HHAT: variants seen among roughly 807,000 people sequenced by gnomAD.
HHAT encodes hedgehog acyltransferase.
HHAT carries 47 observed loss-of-function variants against 70.8 expected under a neutral mutation model. The observed-to-expected ratio is 0.66, with a 90% CI of 0.53 to 0.85. The LOEUF (loss-of-function observed/expected upper bound fraction) is 0.85. HHAT is among the 40% of genes least tolerant of loss of function. HHAT has a pLI of 0.00. For missense variants in HHAT, 609 were observed against 604.8 expected, an observed-to-expected ratio of 1.01 and a Z score of -0.07; for synonymous variants, 228 against 247.6, an observed-to-expected ratio of 0.92 and a Z score of 0.74.
At chr1:210,362,946 C>T in intron 3 of HHAT, 27 bp downstream of exon 3, 2 of 1,527,792 alleles carry the variant, frequency 1.3e-6, no homozygotes, top group Non-Finnish European at 1.8e-6. Flanking sequence ...TAATAAATCT[C>T]AGTTTTCAAA....
intron 7 of HHAT, among the ~76,000 whole-genome samples, chr1:210,449,680 T>C (rs986076360): frequency 1.3e-4 from 20 of 152,216 alleles, no homozygotes; most frequent in African/African-American, 4.8e-4. Context: ...AAACTGTTAC[T>C]AATTTTGTGA....
At chr1:210,633,633 C>G (rs542064721) in intron 11 of HHAT, among the ~76,000 whole-genome samples, 338 of 152,332 alleles carry the variant, frequency 2.2e-3, no homozygotes, top group Non-Finnish European at 4.0e-3. Context: ...TTCTCCTCTT[C>G]TGCCCTTCTC....
chr1:210,610,990 A>G (rs1033872195), intron 10 of HHAT, among the ~76,000 whole-genome samples: 2 of 152,102 alleles, frequency 1.3e-5, no homozygotes, highest in Admixed American at 6.6e-5. Context: ...TGCCTTGGCT[A>G]TTTGGGCTCT....
intron 9 of HHAT, among the ~76,000 whole-genome samples, chr1:210,527,530 A>G (rs189944213): frequency 1.2e-3 from 184 of 152,372 alleles, no homozygotes; most frequent in Non-Finnish European, 1.3e-3. Flanking sequence ...TATCAGCATC[A>G]TAAATTTCCT....
At chr1:210,465,395 C>T (rs2094078774) in intron 8 of HHAT, among the ~76,000 whole-genome samples, 1 of 152,134 alleles carries the variant, frequency 6.6e-6, no homozygotes, top group South Asian at 2.1e-4. Flanking sequence ...TTATCGCTTC[C>T]AGAGTGTAAC....
chr1:210,655,193 C>T (rs1301151506), intron 11 of HHAT, among the ~76,000 whole-genome samples: 4 of 152,224 alleles, frequency 2.6e-5, no homozygotes, highest in Non-Finnish European at 5.9e-5. Flanking sequence ...GAATAAATAG[C>T]TGGGAAAAGT....
intron 7 of HHAT, among the ~76,000 whole-genome samples, chr1:210,452,464 T>G (rs970596564): frequency 2.0e-5 from 3 of 152,236 alleles, no homozygotes; most frequent in African/African-American, 7.2e-5. Flanking sequence ...GTTCAACAAT[T>G]ATCAACTCCT....
intron 3 of HHAT, among the ~76,000 whole-genome samples, chr1:210,371,254 C>T (rs1172742982): frequency 3.3e-5 from 5 of 152,242 alleles, no homozygotes; most frequent in Admixed American, 1.3e-4. Flanking sequence ...CAAGTTCAAG[C>T]GATTCTCGTG....
chr1:210,619,583 C>G (rs1668445734), intron 10 of HHAT, among the ~76,000 whole-genome samples: 1 of 152,146 alleles, frequency 6.6e-6, no homozygotes, highest in South Asian at 2.1e-4. Flanking sequence ...AACAATTCGC[C>G]CTTTCTCAAC....
intron 7 of HHAT, among the ~76,000 whole-genome samples, chr1:210,447,094 C>G (rs909779268): frequency 6.6e-6 from 1 of 152,188 alleles, no homozygotes; most frequent in Non-Finnish European, 1.5e-5. Context: ...CATTTGGGGT[C>G]TGAAGATCTG....
chr1:210,395,437 C>G (rs1378510471), intron 4 of HHAT, among the ~76,000 whole-genome samples: 2 of 89,220 alleles, frequency 2.2e-5, no homozygotes, highest in Non-Finnish European at 4.6e-5. Context: ...GGCACTGACA[C>G]CAATCCTTGG....
At position 210,356,576 on chromosome 1, in the gene HHAT, C is replaced by T. The variant is rs142318425; in HGVS notation, c.92-6276C>T. 1.3e-4 allele frequency among the ~76,000 whole-genome samples: 20 copies of T among 152,268 alleles called. 1 individual carries two copies. In the South Asian group the frequency reaches 2.3e-3, roughly 17 times the overall value. On this transcript the variant is annotated intron_variant, in intron 2 of 11. Transcript: ENST00000261458. ...TTAAAGTGGGATACAGCTAGTATAA[C>T]GGAACACATTCACCTTCTACCTTTT...
At chr1:210,521,520 G>A (rs907854600) in intron 9 of HHAT, among the ~76,000 whole-genome samples, 3 of 152,174 alleles carry the variant, frequency 2.0e-5, no homozygotes, top group Admixed American at 1.3e-4. Flanking sequence ...GAATGACAGG[G>A]TAATTTTTAG....
chr1:210,536,799 C>T (rs962843361), intron 9 of HHAT, among the ~76,000 whole-genome samples: 5 of 152,078 alleles, frequency 3.3e-5, no homozygotes, highest in African/African-American at 1.2e-4. Flanking sequence ...ATTTTGGACT[C>T]GTTAATTCTT....
At chr1:210,391,269 C>A (rs1315857852) in intron 4 of HHAT, among the ~76,000 whole-genome samples, 1 of 152,068 alleles carries the variant, frequency 6.6e-6, no homozygotes, top group Admixed American at 6.6e-5. Context: ...ATATACTTAT[C>A]TCACAGTAAT....
intron 9 of HHAT, among the ~76,000 whole-genome samples, chr1:210,527,568 A>G (rs1316993336): frequency 6.6e-6 from 1 of 152,218 alleles, no homozygotes; most frequent in Non-Finnish European, 1.5e-5. Context: ...TTGGGATCTT[A>G]GCAGACTGAG....
chr1:210,474,355 A>G (rs1572695049), intron 8 of HHAT, among the ~76,000 whole-genome samples: 2 of 152,334 alleles, frequency 1.3e-5, no homozygotes, highest in Non-Finnish European at 2.9e-5. Context: ...CAGTGGCGCC[A>G]TCACGGCTCA....
At chr1:210,335,318 GAAA>G (rs11371332) in intron 1 of HHAT, among the ~76,000 whole-genome samples, 26 of 145,700 alleles carry the variant, frequency 1.8e-4, no homozygotes, top group African/African-American at 5.3e-4. Context: ...CATTCATGAT[GAAA>G]AAAAAAAAAG....
At chr1:210,416,000 C>G (rs1352677355) in intron 6 of HHAT, among the ~76,000 whole-genome samples, 2 of 152,022 alleles carry the variant, frequency 1.3e-5, no homozygotes, top group Non-Finnish European at 2.9e-5. Flanking sequence ...CTTTTCTGGG[C>G]ATAGTTAACC....
Sources: allele counts gnomAD v4.1 joint callset (sites outside exome capture counted in the v4.1 genomes callset), GRCh38; gene constraint gnomAD v4.1.1; transcripts MANE v1.5; gene names NCBI Gene and HGNC (gene_info 2026-07-23, HGNC 2026-07-21).